The following TRPC6 variants were observed in gnomAD, a reference collection of about 807,000 sequenced individuals.
TRPC6 encodes the protein transient receptor potential cation channel subfamily C member 6.
TRPC6 carries 55 observed loss-of-function variants against 90.7 expected under a neutral mutation model. The ratio of observed to expected loss-of-function variants is 0.61; its 90% CI spans 0.49 to 0.76. TRPC6 has a LOEUF of 0.76. Among genes scored for constraint, TRPC6 ranks in the 30% least tolerant of loss-of-function variants. The pLI, the probability that TRPC6 is intolerant of heterozygous loss-of-function variation, is 0.00. For missense variants in TRPC6, 989 were observed against 1,122.7 expected (o/e 0.88, Z 1.70); for synonymous variants, 393 against 393.0 (o/e 1.00, Z 0.00).
chr11:101,510,893 C>T (rs181252045), intron 1 of TRPC6, among the ~76,000 whole-genome samples: 2 of 152,166 alleles, frequency 1.3e-5, no homozygotes, highest in Non-Finnish European at 2.9e-5. Flanking sequence ...ACAAACTAAG[C>T]TCCATATTAA....
intron 4 of TRPC6, among the ~76,000 whole-genome samples, chr11:101,487,162 T>A (rs542876675): frequency 1.3e-5 from 2 of 152,146 alleles, no homozygotes. Context: ...GAATACATTA[T>A]GCTTTCGAAC....
intron 1 of TRPC6, among the ~76,000 whole-genome samples, chr11:101,535,667 G>A (rs1163208078): frequency 6.6e-6 from 1 of 152,156 alleles, no homozygotes; most frequent in East Asian, 1.9e-4. Flanking sequence ...GATAAAAGCA[G>A]AGCATAAAAG....
intron 1 of TRPC6, among the ~76,000 whole-genome samples, chr11:101,544,582 G>A (rs1156248662): frequency 6.6e-6 from 1 of 152,104 alleles, no homozygotes; most frequent in African/African-American, 2.4e-5. Flanking sequence ...CCTTTGCAGG[G>A]ACATGAATGA....
chr11:101,540,250 C>G (rs931439185), intron 1 of TRPC6, among the ~76,000 whole-genome samples: 10 of 152,110 alleles, frequency 6.6e-5, no homozygotes, highest in African/African-American at 2.4e-4. Context: ...ATAGGAAGGG[C>G]ACAGGCAGAG....
In TRPC6 at chr11:101,558,364, GGTATACATGTATATAT is replaced by G. The variant is rs1192799841; in HGVS notation, c.170+24954_170+24969del. ...ATGTATATATGTATACATGTATATGGGTATACATGTATATATGTATACATGTATACATATACACACA... is the reference window on the plus strand; with the variant it reads ...ATGTATATATGTATACATGTATATGGGTATACATGTATACATATACACACA... On this transcript the variant is annotated intron_variant, in intron 1 of 12. Transcript: ENST00000344327. Among the ~76,000 whole-genome samples, 104 of 118,170 alleles carry G rather than the reference GGTATACATGTATATAT, an allele frequency of 8.8e-4. 19 individuals are homozygous for G. The highest frequency in any genetic ancestry group is 3.0e-3 in the African/African-American group (88 of 29,370). 77.5% of individuals were successfully genotyped at this position (118,170 alleles called of 152,430 possible). A position where few individuals can be genotyped will look rare whatever the true frequency, so the allele number is the denominator to read the frequency against.
chr11:101,476,305 A>C lies in TRPC6; in HGVS notation c.1740T>G (p.Asn580Lys), dbSNP rs1859416244. 7 of 1,613,814 alleles carry C rather than the reference A, an allele frequency of 4.3e-6. No individual in the cohort carries two copies. The highest frequency in any genetic ancestry group is 5.9e-6 in the Non-Finnish European group (7 of 1,179,762). The change falls in exon 6 of 13, where the codon AAT becomes AAG. Residue 580 changes from asparagine to lysine, a missense_variant. By Grantham distance (94) the Asn-to-Lys change is moderately conservative. Around this residue, in one of 4 missense-constraint regions of TRPC6, gnomAD observed 486 missense variants for 591.9 expected, o/e 0.82. Transcript: ENST00000344327. ...VTLGDNVKYY[N>K]LARIKWDPSD... The stretch of plus-strand genomic sequence containing the variant: ...TTGACTGTACTGTAAACTCACCCAA[A>C]TTGTAGTATTTCACATTGTCTCCCA...
At chr11:101,488,875 A>AT in intron 4 of TRPC6, 62 bp downstream of exon 4, 1 of 1,591,218 alleles carries the variant, frequency 6.3e-7, no homozygotes, top group South Asian at 1.1e-5. Context: ...TGGAGATAAG[A>AT]TTTTTCCCCA....
At chr11:101,512,762 A>C (rs927027876) in intron 1 of TRPC6, among the ~76,000 whole-genome samples, 25 of 152,296 alleles carry the variant, frequency 1.6e-4, no homozygotes, top group Admixed American at 4.6e-4. Context: ...GGGAATATTA[A>C]AAAGTTTCTT....
chr11:101,538,787 G>C (rs764168698), intron 1 of TRPC6, among the ~76,000 whole-genome samples: 3 of 152,176 alleles, frequency 2.0e-5, no homozygotes, highest in Non-Finnish European at 4.4e-5. Flanking sequence ...AAGATGAAGA[G>C]AGTCATGAAC....
At chr11:101,487,202 A>C (rs573050422) in intron 4 of TRPC6, among the ~76,000 whole-genome samples, 39 of 152,282 alleles carry the variant, frequency 2.6e-4, no homozygotes, top group Non-Finnish European at 4.9e-4. Context: ...AAAATTATTC[A>C]GTTTAGGAAA....
At chr11:101,578,248 A>G (rs1405566197) in intron 1 of TRPC6, among the ~76,000 whole-genome samples, 1 of 152,198 alleles carries the variant, frequency 6.6e-6, no homozygotes, top group East Asian at 1.9e-4. Flanking sequence ...AACAAGGGAG[A>G]GATAACAAGG....
At chr11:101,565,660 C>A (rs1256160447) in intron 1 of TRPC6, among the ~76,000 whole-genome samples, 1 of 151,926 alleles carries the variant, frequency 6.6e-6, no homozygotes, top group Non-Finnish European at 1.5e-5. Flanking sequence ...ATCATTTCTG[C>A]CCCTAAAATA....
chr11:101,457,577 A>G (rs556094044), intron 10 of TRPC6, among the ~76,000 whole-genome samples: 35 of 152,200 alleles, frequency 2.3e-4, no homozygotes, highest in Non-Finnish European at 4.7e-4. Flanking sequence ...TGGACAATAT[A>G]TTCAGTCAGC....
intron 1 of TRPC6, among the ~76,000 whole-genome samples, chr11:101,536,536 CAA>C (rs1382411473): frequency 1.3e-5 from 2 of 152,048 alleles, no homozygotes; most frequent in East Asian, 3.9e-4. Flanking sequence ...TTCCTGGAGA[CAA>C]TGATTTTTAA....
At chr11:101,465,512 GT>G (rs1859122784) in intron 10 of TRPC6, among the ~76,000 whole-genome samples, 1 of 151,598 alleles carries the variant, frequency 6.6e-6, no homozygotes, top group African/African-American at 2.4e-5. Flanking sequence ...TTCTAATCTT[GT>G]TTTCATGTTT....
At chr11:101,529,294 T>C (rs188531478) in intron 1 of TRPC6, among the ~76,000 whole-genome samples, 22 of 152,256 alleles carry the variant, frequency 1.4e-4, no homozygotes, top group African/African-American at 4.3e-4. Flanking sequence ...TGGTGAGACA[T>C]AGAAGAAATC....
chr11:101,470,666 A>G (rs977395426), intron 9 of TRPC6, among the ~76,000 whole-genome samples: 1 of 151,938 alleles, frequency 6.6e-6, no homozygotes, highest in South Asian at 2.1e-4. Context: ...ACCTTGTGGG[A>G]TTACTGTTTT....
intron 1 of TRPC6, among the ~76,000 whole-genome samples, chr11:101,573,921 CGTGTGTGTGTGTGTGT>C (rs58766729): frequency 3.3e-4 from 43 of 132,064 alleles, no homozygotes; most frequent in Non-Finnish European, 3.3e-5. Flanking sequence ...GAAACAAATA[CGTGTGTGTGTGTGTGT>C]GTGTGTGTGT....
At chr11:101,462,712 A>G (rs1020860169) in intron 10 of TRPC6, among the ~76,000 whole-genome samples, 2 of 152,194 alleles carry the variant, frequency 1.3e-5, no homozygotes, top group Non-Finnish European at 2.9e-5. Flanking sequence ...TTTTGGGTTG[A>G]GATGATGAGG....
Sources: gnomAD v4.1 joint callset for allele counts (sites outside exome capture counted in the v4.1 genomes callset) on GRCh38, gnomAD v4.1.1 for gene constraint, gnomAD v4.1.1 regional missense constraint, MANE v1.5 for transcripts, NCBI Gene and HGNC (gene_info 2026-07-23, HGNC 2026-07-21) for gene names.